The following HMGCLL1 variants were observed in gnomAD, a reference collection of about 807,000 sequenced individuals.
HMGCLL1 encodes 3-hydroxy-3-methylglutaryl-CoA lyase like 1.
Under a neutral mutation model 39.1 loss-of-function variants are expected in HMGCLL1, and 36 were observed. The ratio of observed to expected loss-of-function variants is 0.92; its 90% CI spans 0.71 to 1.22. HMGCLL1 has a LOEUF of 1.22. HMGCLL1 is among the 50% of genes most tolerant of loss of function. HMGCLL1 has a pLI of 0.00. For synonymous variants in HMGCLL1, 149 were observed against 144.0 expected, an observed-to-expected ratio of 1.03 and a Z score of -0.25; for missense variants, 451 against 416.5, an observed-to-expected ratio of 1.08 and a Z score of -0.72.
chr6:55,661,589 G>A, the HMGCLL1 span, among the ~76,000 whole-genome samples: 1 of 151,934 alleles, frequency 6.6e-6, no homozygotes. Flanking sequence ...TTTTGTATCA[G>A]TACCATGCTC....
At chr6:55,640,557 T>C in the HMGCLL1 span, among the ~76,000 whole-genome samples, 51,335 of 151,430 alleles carry the variant, frequency 0.34, 9,015 homozygotes, top group African/African-American at 0.42. Flanking sequence ...ACATTCAAGA[T>C]TGTGTTATCA....
the HMGCLL1 span, among the ~76,000 whole-genome samples, chr6:55,597,714 T>G: frequency 2.0e-5 from 3 of 152,038 alleles, no homozygotes; most frequent in Non-Finnish European, 2.9e-5. Context: ...GGCTTAAAGT[T>G]CCAAGTAATA....
rs76702649 is a variant in HMGCLL1, at chr6:55,563,344, T to C, written c.108+15604A>G. Among the ~76,000 whole-genome samples the C allele has an allele frequency of 6.3e-3, 959 of 152,218 alleles. 14 individuals carry two copies. Among genetic ancestry groups the C allele is most frequent in the African/African-American group, 0.022 (913 of 41,552 alleles). On this transcript the variant is annotated intron_variant, in intron 1 of 8. Coordinates refer to ENST00000274901, the MANE Select transcript of HMGCLL1 (RefSeq NM_001042406.2). Reference sequence around the variant, plus strand: ...CATACACCCTATAGACCAAATATAATTATGTTCTGCTGCAATGGCAGTCCA... The same window carrying C: ...CATACACCCTATAGACCAAATATAACTATGTTCTGCTGCAATGGCAGTCCA...
At chr6:55,626,955 G>A in the HMGCLL1 span, among the ~76,000 whole-genome samples, 1 of 145,136 alleles carries the variant, frequency 6.9e-6, no homozygotes, top group African/African-American at 2.5e-5. Flanking sequence ...TATGCCCTGT[G>A]ATTAAGGTCA....
At chr6:55,618,553 C>A in the HMGCLL1 span, among the ~76,000 whole-genome samples, 1 of 151,856 alleles carries the variant, frequency 6.6e-6, no homozygotes, top group African/African-American at 2.4e-5. Flanking sequence ...ACATGAATTT[C>A]CATATTACAG....
At chr6:55,483,014 C>T (rs1765824535) in intron 7 of HMGCLL1, among the ~76,000 whole-genome samples, 1 of 151,748 alleles carries the variant, frequency 6.6e-6, no homozygotes, top group African/African-American at 2.4e-5. Context: ...TACAATGATC[C>T]CAATCAGAAG....
At chr6:55,568,316 G>A (rs988727441) in intron 1 of HMGCLL1, among the ~76,000 whole-genome samples, 3 of 152,128 alleles carry the variant, frequency 2.0e-5, no homozygotes, top group African/African-American at 7.2e-5. Flanking sequence ...TTTCCTGCTT[G>A]TTGAATGATA....
intron 5 of HMGCLL1, among the ~76,000 whole-genome samples, chr6:55,511,419 G>A (rs1490179961): frequency 6.6e-6 from 1 of 152,082 alleles, no homozygotes; most frequent in African/African-American, 2.4e-5. Context: ...CAGTGAGTGT[G>A]TGGGGGGAAT....
chr6:55,597,029 A>T, the HMGCLL1 span, among the ~76,000 whole-genome samples: 1 of 122,864 alleles, frequency 8.1e-6, no homozygotes, highest in South Asian at 2.9e-4. Context: ...TATAATGCAC[A>T]AAACCCAATG....
At chr6:55,509,909 C>T (rs568783550) in intron 5 of HMGCLL1, among the ~76,000 whole-genome samples, 6 of 151,830 alleles carry the variant, frequency 4.0e-5, no homozygotes, top group Non-Finnish European at 8.8e-5. Context: ...TTACAGTTCT[C>T]GGAAAATCTG....
the HMGCLL1 span, among the ~76,000 whole-genome samples, chr6:55,630,152 C>A: frequency 6.6e-5 from 10 of 152,110 alleles, no homozygotes; most frequent in African/African-American, 2.4e-4. Flanking sequence ...AGGAGTATAC[C>A]CTGCAAACCC....
chr6:55,583,223 T>G (rs12202948), upstream of HMGCLL1, among the ~76,000 whole-genome samples: 11,301 of 152,112 alleles, frequency 0.074, 581 homozygotes, highest in Non-Finnish European at 0.11. Context: ...ACTTTAAGTT[T>G]TAGGGTACAT....
chr6:55,549,557 C>T (rs1325302144), intron 1 of HMGCLL1, among the ~76,000 whole-genome samples: 1 of 151,848 alleles, frequency 6.6e-6, no homozygotes, highest in African/African-American at 2.4e-5. Context: ...GTTATACCAG[C>T]AGCATGTCCT....
At chr6:55,455,193 A>C (rs1330657903) in intron 7 of HMGCLL1, among the ~76,000 whole-genome samples, 1 of 152,204 alleles carries the variant, frequency 6.6e-6, no homozygotes, top group Admixed American at 6.5e-5. Flanking sequence ...TGTTAATTTC[A>C]AATAGCTCAA....
intron 7 of HMGCLL1, among the ~76,000 whole-genome samples, chr6:55,464,054 C>A (rs944701366): frequency 1.3e-5 from 2 of 152,058 alleles, no homozygotes; most frequent in Admixed American, 1.3e-4. Flanking sequence ...GGTAAAGGGG[C>A]TCTGTAGAAT....
chr6:55,551,744 T>C (rs142109306), intron 1 of HMGCLL1, among the ~76,000 whole-genome samples: 3,914 of 152,060 alleles, frequency 0.026, 76 homozygotes, highest in Middle Eastern at 0.092. Flanking sequence ...TAAACCCCAA[T>C]TGTAGCTTCT....
the HMGCLL1 span, among the ~76,000 whole-genome samples, chr6:55,641,507 C>G: frequency 6.6e-6 from 1 of 151,464 alleles, no homozygotes; most frequent in African/African-American, 2.4e-5. Flanking sequence ...CACACATGCA[C>G]AAATAGATAT....
upstream of HMGCLL1, among the ~76,000 whole-genome samples, chr6:55,579,951 T>A (rs1771943529): frequency 6.6e-6 from 1 of 152,186 alleles, no homozygotes; most frequent in South Asian, 2.1e-4. Flanking sequence ...ACGTGTATTG[T>A]CACACCCTAA....
At chr6:55,657,430 T>C in the HMGCLL1 span, among the ~76,000 whole-genome samples, 1 of 151,984 alleles carries the variant, frequency 6.6e-6, no homozygotes, top group Non-Finnish European at 1.5e-5. Flanking sequence ...GTTAGCCCAG[T>C]ACGATTTACT....
Sources: allele counts gnomAD v4.1 joint callset (sites outside exome capture counted in the v4.1 genomes callset), GRCh38; gene constraint gnomAD v4.1.1; transcripts MANE v1.5; gene names NCBI Gene and HGNC (gene_info 2026-07-23, HGNC 2026-07-21).